Variants in SHROOM4 observed in about 807,000 individuals in gnomAD.
SHROOM4 encodes the protein protein Shroom4.
Under a neutral mutation model 80.3 loss-of-function variants are expected in SHROOM4, and 17 were observed. That is an observed-to-expected ratio of 0.21 (90% CI 0.14 to 0.32). The LOEUF is 0.32. Ranked by LOEUF, SHROOM4 falls within the 10% of genes least tolerant of loss-of-function variation. The pLI, the probability that SHROOM4 is intolerant of heterozygous loss-of-function variation, is 1.00. For missense variants in SHROOM4, 993 were observed against 1,140.3 expected (o/e 0.87, Z 1.86); for synonymous variants, 400 against 437.5 (o/e 0.91, Z 1.07).
intron 5 of SHROOM4, among the ~76,000 whole-genome samples, chrX:50,613,074 T>C (rs1409226203): frequency 8.9e-6 from 1 of 112,135 alleles, no homozygotes; most frequent in African/African-American, 3.2e-5. Context: ...GAAGGGGATA[T>C]CTTCTCATTA....
intron 1 of SHROOM4, among the ~76,000 whole-genome samples, chrX:50,753,046 C>T (rs1481291004): frequency 1.8e-5 from 2 of 111,862 alleles, no homozygotes; most frequent in Non-Finnish European, 3.8e-5. Context: ...TGAAGAAGGG[C>T]AGAGAACAGG....
intron 1 of SHROOM4, among the ~76,000 whole-genome samples, chrX:50,746,109 A>C (rs1466686607): frequency 2.7e-5 from 3 of 111,860 alleles, no homozygotes; most frequent in Non-Finnish European, 3.8e-5. Flanking sequence ...GTTGATATAC[A>C]TTAAACTGCA....
intron 1 of SHROOM4, among the ~76,000 whole-genome samples, chrX:50,733,847 T>C (rs1033463228): frequency 4.5e-5 from 5 of 111,988 alleles, no homozygotes; most frequent in Non-Finnish European, 7.5e-5. Flanking sequence ...TTTTCAAGAA[T>C]GGCATGATCT....
At chrX:50,671,011 T>C (rs782245106) in intron 2 of SHROOM4, among the ~76,000 whole-genome samples, 19 of 112,049 alleles carry the variant, frequency 1.7e-4, no homozygotes, top group Non-Finnish European at 3.6e-4. Flanking sequence ...AATGGATGAG[T>C]TAGCAGGCAT....
chrX:50,652,540 T>C (rs1215410631), intron 2 of SHROOM4, among the ~76,000 whole-genome samples: 11 of 112,082 alleles, frequency 9.8e-5, no homozygotes, highest in African/African-American at 3.2e-4. Flanking sequence ...ACTCTGATGA[T>C]AGTTTCTTTT....
At chrX:50,778,034 C>T (rs1405369171) in intron 1 of SHROOM4, among the ~76,000 whole-genome samples, 3 of 111,725 alleles carry the variant, frequency 2.7e-5, no homozygotes, top group Non-Finnish European at 3.8e-5. Flanking sequence ...GCCATCATCA[C>T]ACTTCAGGCC....
chrX:50,742,200 G>C (rs1557267265), intron 1 of SHROOM4, among the ~76,000 whole-genome samples: 1 of 110,024 alleles, frequency 9.1e-6, no homozygotes, highest in East Asian at 2.8e-4. Flanking sequence ...GTTTTATGCT[G>C]TTGCTTTTTA....
chrX:50,813,160 T>TGGCGGCGGCGGCGGCGGCGGCAGTGGC (rs1936379838), intron 1 of SHROOM4, among the ~76,000 whole-genome samples: 1 of 101,999 alleles, frequency 9.8e-6, no homozygotes, highest in Admixed American at 1.1e-4. Flanking sequence ...GCGGCGGCAG[T>TGGCGGCGGCGGCGGCGGCGGCAGTGGC]GGCGGCGGCG....
chrX:50,634,999 T>C lies in SHROOM4; in HGVS notation c.1074A>G (p.Leu358=), dbSNP rs782658860. The part of the protein sequence containing the change: ...PESSQQGSEH[L]LMQASTKAVG... ...CAGCTTTGGTTGAGGCCTGCATCAG[T>C]AGATGCTCAGAGCCCTGTTGGCTGG... is the stretch of plus-strand genomic sequence containing the variant. The change falls in exon 4 of 9, where the codon CTA becomes CTG. Residue 358 remains leucine (L), a synonymous_variant. Coordinates refer to ENST00000376020, the MANE Select transcript of SHROOM4 (RefSeq NM_020717.5). The C allele has an allele frequency of 1.7e-6, 2 of 1,211,974 alleles. No homozygotes were observed. The highest frequency in any genetic ancestry group is 2.2e-6 in the Non-Finnish European group (2 of 895,491).
chrX:50,754,385 A>G (rs1367599231), intron 1 of SHROOM4, among the ~76,000 whole-genome samples: 2 of 112,232 alleles, frequency 1.8e-5, no homozygotes, highest in Non-Finnish European at 3.8e-5. Flanking sequence ...TAAACAAAAC[A>G]GGCAAAGATT....
chrX:50,581,489 A>G, the SHROOM4 span, among the ~76,000 whole-genome samples: 1 of 111,418 alleles, frequency 9.0e-6, no homozygotes, highest in East Asian at 2.8e-4. Context: ...GGTCTGGGCC[A>G]CTTATAGACA....
intron 1 of SHROOM4, among the ~76,000 whole-genome samples, chrX:50,813,310 G>A (rs1936388961): frequency 8.9e-6 from 1 of 111,871 alleles, no homozygotes; most frequent in African/African-American, 3.2e-5. Flanking sequence ...GGGAGGGAGA[G>A]GCCGAGCCGA....
intron 1 of SHROOM4, among the ~76,000 whole-genome samples, chrX:50,798,929 A>T (rs1460534419): frequency 9.0e-6 from 1 of 111,539 alleles, no homozygotes; most frequent in Admixed American, 9.5e-5. Flanking sequence ...TCAAGCACCT[A>T]TGAGGTCACC....
intron 1 of SHROOM4, among the ~76,000 whole-genome samples, chrX:50,701,384 C>T (rs899306349): frequency 1.8e-5 from 2 of 111,750 alleles, no homozygotes; most frequent in African/African-American, 6.5e-5. Context: ...ACAAACGTGA[C>T]GGCACAAGAG....
intron 2 of SHROOM4, among the ~76,000 whole-genome samples, chrX:50,690,336 GTT>G (rs1327080613): frequency 9.0e-6 from 1 of 111,182 alleles, no homozygotes; most frequent in Non-Finnish European, 1.9e-5. Context: ...ATTCATCTTT[GTT>G]TTCTTGATTA....
chrX:50,737,527 G>A (rs1934524846), intron 1 of SHROOM4, among the ~76,000 whole-genome samples: 1 of 111,425 alleles, frequency 9.0e-6, no homozygotes, highest in African/African-American at 3.3e-5. Context: ...GTACCACGCA[G>A]AGTAACCATA....
At chrX:50,652,975 T>C (rs1932163766) in intron 2 of SHROOM4, among the ~76,000 whole-genome samples, 1 of 111,809 alleles carries the variant, frequency 8.9e-6, no homozygotes, top group African/African-American at 3.3e-5. Flanking sequence ...TGTAGCCTTG[T>C]AGTATAGTTT....
intron 2 of SHROOM4, among the ~76,000 whole-genome samples, chrX:50,646,369 A>G (rs1036207051): frequency 9.1e-6 from 1 of 110,443 alleles, no homozygotes; most frequent in African/African-American, 3.3e-5. Flanking sequence ...AGAACAATGC[A>G]TGGCTTGTTT....
At chrX:50,640,289 G>A (rs141900119) in intron 2 of SHROOM4, among the ~76,000 whole-genome samples, 151 of 110,877 alleles carry the variant, frequency 1.4e-3, no homozygotes, top group African/African-American at 4.8e-3. Context: ...TTAAAGTGCG[G>A]GCAGTCAGCC....
Sources: allele counts gnomAD v4.1 joint callset (sites outside exome capture counted in the v4.1 genomes callset), GRCh38; gene constraint gnomAD v4.1.1; transcripts MANE v1.5; gene names NCBI Gene and HGNC (gene_info 2026-07-23, HGNC 2026-07-21).